RP9: variants seen among roughly 807,000 people sequenced by gnomAD.
RP9 encodes the protein RP9 pre-mRNA splicing factor, also known as retinitis pigmentosa 9 protein.
RP9 carries 23 observed loss-of-function variants against 32.6 expected under a neutral mutation model. That is an observed-to-expected ratio of 0.71 (90% CI 0.51 to 1.00). RP9 has a LOEUF of 1.00. Ranked by LOEUF, RP9 falls within the 50% of genes least tolerant of loss-of-function variation. The pLI is 0.00. For synonymous variants in RP9, 94 were observed against 103.6 expected, an observed-to-expected ratio of 0.91 and a Z score of 0.56; for missense variants, 245 against 285.3, an observed-to-expected ratio of 0.86 and a Z score of 1.02.
rs1342056036 is a variant in RP9 at position 33,100,575 on chromosome 7, A to G, written c.153-14T>C. ...GGTTTTTCGTAACTGGAAAACAAAAAACAAAACCTTATCAACCATGTTAAT... is the reference window on the plus strand; with the variant it reads ...GGTTTTTCGTAACTGGAAAACAAAAGACAAAACCTTATCAACCATGTTAAT... On this transcript the variant is annotated splice_polypyrimidine_tract_variant and intron_variant, in intron 1 of 5. Coordinates refer to ENST00000297157, the MANE Select transcript of RP9 (RefSeq NM_203288.2). The G allele has an allele frequency of 6.2e-7, 1 of 1,611,238 alleles. No individual in the cohort carries two copies. The highest frequency in any genetic ancestry group is 8.5e-7 in the Non-Finnish European group (1 of 1,177,482).
In RP9 at chr7:33,094,948, T is replaced by C. The variant is rs969034848; in HGVS notation, c.*286A>G. On this transcript the variant is annotated 3_prime_UTR_variant, in exon 6 of 6. Transcript: ENST00000297157. The stretch of plus-strand genomic sequence containing the variant: ...AGAGATTCTCCCAGTCCTGCCACCC[T>C]GTGGGAGACACTTCAAAGGAATCGT... 3.3e-5 allele frequency: 16 copies of C among 489,004 alleles called. No individual in the cohort carries two copies. The highest frequency in any genetic ancestry group is 2.8e-4 in the Admixed American group (8 of 28,104). 30.3% of individuals were successfully genotyped at this position (489,004 alleles called of 1,614,324 possible).
Position 33,096,534 on chromosome 7 carries a change from A to T in RP9, c.426T>A (p.Tyr142Ter). ...QFRVAHEDPM[Y>*]DIIRDNKRHE... ...GTCGTTTATTGTCTCGTATGATGTC[A>T]TACATGGGATCTTCATGTGCCTTAA... The change falls in exon 5 of 6, where the codon TAT (tyrosine) becomes TAA (stop). Residue 142 changes from tyrosine (Y) to a stop codon, truncating the protein, a stop_gained. Transcript: ENST00000297157. LOFTEE classifies it high-confidence loss of function. 6.2e-7 allele frequency: 1 copy of T among 1,613,156 alleles called. No homozygotes were observed. The highest frequency in any genetic ancestry group is 8.5e-7 in the Non-Finnish European group (1 of 1,179,238).
chr7:33,097,930 A>AT (rs980986723), intron 3 of RP9, among the ~76,000 whole-genome samples: 4 of 151,872 alleles, frequency 2.6e-5, no homozygotes, highest in Admixed American at 6.6e-5. Context: ...CAAAAGGTAC[A>AT]TTTTTTTTAA....
chr7:33,104,862 T>C (rs1788476359), intron 1 of RP9, among the ~76,000 whole-genome samples: 1 of 152,182 alleles, frequency 6.6e-6, no homozygotes, highest in South Asian at 2.1e-4. Flanking sequence ...ATTACAGGTG[T>C]GAGCCAGCAT....
chr7:33,098,490 A>G (rs991709100), intron 3 of RP9, among the ~76,000 whole-genome samples: 2 of 152,216 alleles, frequency 1.3e-5, no homozygotes, highest in African/African-American at 4.8e-5. Flanking sequence ...AGCTGCTGCA[A>G]TAGCCACAAA....
intron 1 of RP9, among the ~76,000 whole-genome samples, chr7:33,105,700 A>G (rs1301873781): frequency 2.0e-5 from 3 of 152,140 alleles, no homozygotes; most frequent in African/African-American, 7.2e-5. Flanking sequence ...GTACACAGAG[A>G]GGCCTGAAAA....
Position 33,106,871 on chromosome 7 carries a change from G to T in RP9, c.152+2350C>A, listed in dbSNP as rs147975029. Among the ~76,000 whole-genome samples the T allele has an allele frequency of 1.7e-3, 263 of 151,888 alleles. 1 individual carries two copies. Among genetic ancestry groups the T allele is most frequent in the African/African-American group, 6.0e-3 (249 of 41,412 alleles). On this transcript the variant is annotated intron_variant, in intron 1 of 5. Transcript: ENST00000297157. ...AGACAGGAGAATCGCTTGAACCCAG[G>T]AAGTGGAGGCTGCAGTGAGCCAAGA...
intron 2 of RP9, 106 bp downstream of exon 2, chr7:33,100,425 T>A (rs1788407823): frequency 2.0e-6 from 2 of 1,008,442 alleles, no homozygotes; most frequent in East Asian, 4.8e-5. Context: ...AGAAACAGGC[T>A]TTTGGTAAAA....
At chr7:33,096,884 G>T (rs772408824) in intron 4 of RP9, among the ~76,000 whole-genome samples, 1 of 151,994 alleles carries the variant, frequency 6.6e-6, no homozygotes, top group African/African-American at 2.4e-5. Flanking sequence ...AAAAATATAC[G>T]GACACTTTAA....
intron 1 of RP9, among the ~76,000 whole-genome samples, chr7:33,103,166 T>G (rs28633587): frequency 6.6e-6 from 1 of 152,030 alleles, no homozygotes; most frequent in East Asian, 1.9e-4. Context: ...ATGGATTTCC[T>G]GGGGTGGAAG....
intron 1 of RP9, among the ~76,000 whole-genome samples, chr7:33,102,625 T>C (rs1788441976): frequency 6.6e-6 from 1 of 152,256 alleles, no homozygotes; most frequent in Non-Finnish European, 1.5e-5. Context: ...TTCTCAAGTG[T>C]GTACAGAGTA....
At chr7:33,100,281 G>C (rs924945869) in intron 2 of RP9, 1 of 568,254 alleles carries the variant, frequency 1.8e-6, no homozygotes, top group Non-Finnish European at 3.2e-6. Flanking sequence ...AGAGAGAAGA[G>C]GGGCATGGCC....
At position 33,109,273 on chromosome 7, in the gene RP9, G is replaced by A; in HGVS notation, c.100C>T (p.Arg34Trp). ...QELQRRREQKRRRHDAQQLQQ... is the reference protein window; with the variant it reads ...QELQRRREQKWRRHDAQQLQQ... ...AGCTGCTGCGCGTCGTGTCGCCGCC[G>A]CTTCTGCTCCCGACGTCGCTGCAGC... The change falls in exon 1 of 6, where the codon CGG becomes TGG. Residue 34 changes from arginine (R) to tryptophan (W), a missense_variant. Physicochemically the swap from Arg to Trp is moderately radical, Grantham distance 101. This residue lies in a region of RP9 where 182 missense variants were observed against 175.5 expected (regional missense o/e 1.04). Transcript: ENST00000297157. This position sits in a 1 kb window ranked among gnomAD's most constrained non-coding sequence, Gnocchi z 4.9. 6.7e-7 allele frequency: 1 copy of A among 1,491,910 alleles called. No homozygotes were observed. Among genetic ancestry groups the A allele is most frequent in the East Asian group, 2.9e-5 (1 of 35,084 alleles). The allele number at this position is 1,491,910 out of a possible 1,614,324, so 92.4% of individuals were successfully genotyped here.
intron 1 of RP9, among the ~76,000 whole-genome samples, chr7:33,101,440 A>G (rs1463500513): frequency 1.3e-5 from 2 of 152,072 alleles, no homozygotes; most frequent in African/African-American, 4.8e-5. Context: ...CGTCTCTACT[A>G]AAAATACAAA....
rs1472218484 is a variant in RP9, at chr7:33,109,328, C to G, written c.45G>C (p.Ala15=). ...GCTCCGGCGGCTCACGCGGCCGCCG[C>G]GCGCCCGCAGCCCCCACGTCCTCGC... The part of the protein sequence containing the change: ...PGREDVGAAG[A]RRPREPPEQE... Residue 15 remains alanine, a synonymous_variant, in exon 1 of 6, where the codon GCG becomes GCC. Transcript: ENST00000297157. The surrounding 1 kb of genome is among the most constrained non-coding windows in gnomAD (Gnocchi z 4.9). 5 of 1,456,620 alleles carry G rather than the reference C, an allele frequency of 3.4e-6. No individual in the cohort carries two copies. The highest frequency in any genetic ancestry group is 4.9e-5 in the Admixed American group (2 of 41,172). The allele number at this position is 1,456,620 out of a possible 1,614,324, so 90.2% of individuals were successfully genotyped here. A position where few individuals can be genotyped will look rare whatever the true frequency, so the allele number is the denominator to read the frequency against.
chr7:33,105,047 T>C (rs9638885), intron 1 of RP9, among the ~76,000 whole-genome samples: 3 of 152,052 alleles, frequency 2.0e-5, no homozygotes, highest in Admixed American at 6.5e-5. Context: ...GAGAGTAAAC[T>C]TATAAAGAGG....
At chr7:33,096,343 C>T (rs964507751) in intron 5 of RP9, 150 bp downstream of exon 5, 2 of 703,700 alleles carry the variant, frequency 2.8e-6, no homozygotes, top group East Asian at 2.7e-5. Context: ...CAACACTGGC[C>T]TTTTCAGCCA....
intron 4 of RP9, among the ~76,000 whole-genome samples, chr7:33,096,930 G>A (rs1439460888): frequency 2.6e-5 from 4 of 152,050 alleles, no homozygotes; most frequent in Admixed American, 6.5e-5. Flanking sequence ...TTTAAAGACC[G>A]GGAAATTAAA....
At chr7:33,097,203 G>T in intron 4 of RP9, 68 bp downstream of exon 4, 1 of 1,211,954 alleles carries the variant, frequency 8.3e-7, no homozygotes, top group South Asian at 1.2e-5. Context: ...GTTCACTGGT[G>T]ACTTTCTGCT....
Sources: gnomAD v4.1 joint callset for allele counts (sites outside exome capture counted in the v4.1 genomes callset) on GRCh38, gnomAD v4.1.1 for gene constraint, gnomAD v4.1.1 regional missense constraint, Gnocchi (gnomAD v3.1) non-coding constraint, MANE v1.5 for transcripts, NCBI Gene and HGNC (gene_info 2026-07-23, HGNC 2026-07-21) for gene names.